ZRANB3: variants seen among roughly 807,000 people sequenced by gnomAD.
The protein encoded by ZRANB3 is zinc finger RANBP2-type containing 3, also known as DNA annealing helicase and endonuclease ZRANB3.
ZRANB3 carries 125 observed loss-of-function variants against 133.8 expected under a neutral mutation model. The ratio of observed to expected loss-of-function variants is 0.93; its 90% confidence interval spans 0.81 to 1.08. ZRANB3 has a LOEUF of 1.08. Ranked by LOEUF, ZRANB3 falls within the 50% of genes least tolerant of loss-of-function variation. ZRANB3 has a pLI of 0.00. For missense variants in ZRANB3, 1,229 were observed against 1,275.5 expected, an observed-to-expected ratio of 0.96 and a Z score of 0.56; for synonymous variants, 387 against 432.7, an observed-to-expected ratio of 0.89 and a Z score of 1.31.
intron 2 of ZRANB3, among the ~76,000 whole-genome samples, chr2:135,500,612 T>C (rs1692894228): frequency 6.6e-6 from 1 of 152,054 alleles, no homozygotes; most frequent in South Asian, 2.1e-4. Context: ...AAGGAGATAG[T>C]AATGATTGGG....
intron 12 of ZRANB3, among the ~76,000 whole-genome samples, chr2:135,247,560 T>C (rs1341659533): frequency 6.6e-6 from 1 of 152,192 alleles, no homozygotes; most frequent in Non-Finnish European, 1.5e-5. Flanking sequence ...TATTATTTTT[T>C]TTTAGAGACA....
At chr2:135,225,285 C>A (rs781166494) in intron 14 of ZRANB3, among the ~76,000 whole-genome samples, 7 of 152,280 alleles carry the variant, frequency 4.6e-5, no homozygotes, top group Middle Eastern at 3.4e-3. Context: ...AGTCTGTGCT[C>A]TTACCTTCTC....
chr2:135,498,426 A>G (rs1315518052), intron 2 of ZRANB3, among the ~76,000 whole-genome samples: 1 of 152,200 alleles, frequency 6.6e-6, no homozygotes, highest in African/African-American at 2.4e-5. Flanking sequence ...TCCCCAATCA[A>G]TACTCTTGTG....
chr2:135,227,333 A>C (rs1481501879), intron 14 of ZRANB3, among the ~76,000 whole-genome samples: 2 of 152,270 alleles, frequency 1.3e-5, no homozygotes, highest in Non-Finnish European at 2.9e-5. Context: ...GTCATGATTC[A>C]TACAGTCTTG....
At chr2:135,254,923 T>C (rs1026045001) in intron 12 of ZRANB3, among the ~76,000 whole-genome samples, 1 of 151,936 alleles carries the variant, frequency 6.6e-6, no homozygotes, top group African/African-American at 2.4e-5. Flanking sequence ...GCTAATTTTT[T>C]TGTATTTTTA....
intron 6 of ZRANB3, among the ~76,000 whole-genome samples, chr2:135,319,675 A>C (rs1683425514): frequency 6.6e-6 from 1 of 152,196 alleles, no homozygotes; most frequent in African/African-American, 2.4e-5. Flanking sequence ...CTGGCACCAT[A>C]AGACACGTTC....
intron 5 of ZRANB3, among the ~76,000 whole-genome samples, chr2:135,347,627 G>A: frequency 6.6e-6 from 1 of 152,126 alleles, no homozygotes; most frequent in Non-Finnish European, 1.5e-5. Flanking sequence ...AAATCGCTGG[G>A]TCATACAGTA....
At chr2:135,405,173 G>C (rs1230167103) in intron 2 of ZRANB3, among the ~76,000 whole-genome samples, 3 of 152,162 alleles carry the variant, frequency 2.0e-5, no homozygotes, top group Admixed American at 1.3e-4. Context: ...TGCAATCCTA[G>C]TCTCTGATAA....
chr2:135,396,787 TAC>T (rs1687510467), intron 2 of ZRANB3, among the ~76,000 whole-genome samples: 2 of 152,118 alleles, frequency 1.3e-5, no homozygotes, highest in African/African-American at 4.8e-5. Flanking sequence ...AATTAAATTG[TAC>T]ATTTAAAAAT....
intron 2 of ZRANB3, among the ~76,000 whole-genome samples, chr2:135,401,765 T>C (rs1687742521): frequency 6.6e-6 from 1 of 152,206 alleles, no homozygotes; most frequent in Admixed American, 6.5e-5. Context: ...GGTGTGGCTC[T>C]AAACTCCTGT....
chr2:135,440,090 T>C (rs1190185634), intron 2 of ZRANB3, among the ~76,000 whole-genome samples: 1 of 152,192 alleles, frequency 6.6e-6, no homozygotes. Flanking sequence ...TTATATTTCT[T>C]CCCTACTATC....
intron 2 of ZRANB3, among the ~76,000 whole-genome samples, chr2:135,479,825 T>C (rs538827874): frequency 3.3e-5 from 5 of 152,268 alleles, no homozygotes; most frequent in South Asian, 2.1e-4. Flanking sequence ...CTATTCAGAA[T>C]GCCAAGATAC....
intron 2 of ZRANB3, among the ~76,000 whole-genome samples, chr2:135,451,357 T>C (rs975687343): frequency 2.0e-5 from 3 of 146,494 alleles, no homozygotes; most frequent in Non-Finnish European, 4.5e-5. Flanking sequence ...AGATCAGGAG[T>C]TCAAGAGTAG....
chr2:135,495,694 T>C (rs889118094), intron 2 of ZRANB3, among the ~76,000 whole-genome samples: 1 of 152,186 alleles, frequency 6.6e-6, no homozygotes, highest in Non-Finnish European at 1.5e-5. Flanking sequence ...CTATAAAAAA[T>C]ATACTTTAGT....
chr2:135,286,174 T>G (rs1203999352), intron 8 of ZRANB3, among the ~76,000 whole-genome samples: 1 of 152,208 alleles, frequency 6.6e-6, no homozygotes, highest in Non-Finnish European at 1.5e-5. Flanking sequence ...ACCCATCACC[T>G]GGGCAGTGTA....
At chr2:135,485,144 CAAACA>C (rs377465491) in intron 2 of ZRANB3, among the ~76,000 whole-genome samples, 12,520 of 148,630 alleles carry the variant, frequency 0.084, 738 homozygotes, top group Middle Eastern at 0.24. Context: ...CAAAACAAAA[CAAACA>C]AAACAAAACA....
rs150773475 is a variant in ZRANB3 at position 135,341,663 on chromosome 2, C to T, written c.677+3887G>A. Among the ~76,000 whole-genome samples, 1,183 of 149,864 alleles carry T rather than the reference C, an allele frequency of 7.9e-3. 129 individuals carry two copies. Among genetic ancestry groups the T allele is most frequent in the African/African-American group, 0.028 (1,107 of 39,254 alleles). ...TGCTGAAAACGGGTAAGAGAAATAT[C>T]GCTGAATTCTTTCCCCAGTAAGGAA... is the stretch of plus-strand genomic sequence containing the variant. On this transcript the variant is annotated intron_variant, in intron 6 of 20. Coordinates refer to ENST00000264159, the MANE Select transcript of ZRANB3 (RefSeq NM_032143.4).
At chr2:135,291,546 A>C (rs182287850) in intron 8 of ZRANB3, among the ~76,000 whole-genome samples, 97 of 151,664 alleles carry the variant, frequency 6.4e-4, no homozygotes, top group Middle Eastern at 3.4e-3. Context: ...GGCTATGTTC[A>C]TTTTTAAAAA....
intron 19 of ZRANB3, among the ~76,000 whole-genome samples, chr2:135,203,579 A>G (rs1428113520): frequency 1.4e-5 from 2 of 146,584 alleles, no homozygotes; most frequent in Non-Finnish European, 3.0e-5. Context: ...AGATTGCACC[A>G]CTGCACTCCA....
Sources: gnomAD v4.1 joint callset for allele counts (sites outside exome capture counted in the v4.1 genomes callset) on GRCh38, gnomAD v4.1.1 for gene constraint, MANE v1.5 for transcripts, NCBI Gene and HGNC (gene_info 2026-07-23, HGNC 2026-07-21) for gene names.